CDKL2: variants seen among roughly 807,000 people sequenced by gnomAD.
CDKL2 encodes cyclin dependent kinase like 2, also known as cyclin-dependent kinase-like 2.
A neutral mutation model predicts 63.9 loss-of-function variants in CDKL2; 64 were observed. The ratio of observed to expected loss-of-function variants is 1.00; its 90% CI spans 0.82 to 1.23. The LOEUF (loss-of-function observed/expected upper bound fraction) is 1.23, where lower values mean the gene tolerates loss of function less well. CDKL2 is among the 50% of genes most tolerant of loss of function. The pLI is 0.00. For synonymous variants in CDKL2, 211 were observed against 229.2 expected, an observed-to-expected ratio of 0.92 and a Z score of 0.72; for missense variants, 656 against 668.0, an observed-to-expected ratio of 0.98 and a Z score of 0.20.
At chr4:75,585,402 C>T (rs2148859949) in intron 12 of CDKL2, among the ~76,000 whole-genome samples, 1 of 152,120 alleles carries the variant, frequency 6.6e-6, no homozygotes, top group South Asian at 2.1e-4. Context: ...CCAGCCACAA[C>T]ATCAGAGCAA....
intron 2 of CDKL2, among the ~76,000 whole-genome samples, chr4:75,616,368 TA>T (rs1440596014): frequency 1.3e-5 from 2 of 150,978 alleles, no homozygotes; most frequent in Non-Finnish European, 2.9e-5. Context: ...AAAAATAATA[TA>T]AGGAATTCAG....
chr4:75,596,383 T>A (rs374821927), intron 9 of CDKL2, 43 bp from the exon 10 acceptor site: 6 of 1,244,584 alleles, frequency 4.8e-6, no homozygotes, highest in Non-Finnish European at 7.1e-6. Flanking sequence ...GAACCAGCAA[T>A]AATTATTTTT....
At chr4:75,623,971 T>C (rs953605775) in intron 2 of CDKL2, among the ~76,000 whole-genome samples, 2 of 151,608 alleles carry the variant, frequency 1.3e-5, no homozygotes, top group Non-Finnish European at 2.9e-5. Context: ...CCATCCCTAC[T>C]AAAAATACAA....
intron 12 of CDKL2, 81 bp downstream of exon 12, chr4:75,591,738 G>A: frequency 2.2e-6 from 2 of 915,312 alleles, no homozygotes; most frequent in Non-Finnish European, 3.2e-6. Context: ...ATTCTTAAGA[G>A]CAAACTCTCC....
At chr4:75,581,268 T>C (rs977440447) in intron 13 of CDKL2, among the ~76,000 whole-genome samples, 1 of 152,228 alleles carries the variant, frequency 6.6e-6, no homozygotes, top group East Asian at 1.9e-4. Context: ...TATTTACTAT[T>C]GTGTTACAAT....
At chr4:75,614,733 C>CCT (rs1729851475) in intron 2 of CDKL2, among the ~76,000 whole-genome samples, 1 of 151,506 alleles carries the variant, frequency 6.6e-6, no homozygotes, top group African/African-American at 2.4e-5. Context: ...TCTATGACCC[C>CCT]CTACTCACAA....
At chr4:75,599,808 A>T (rs941130070) in intron 7 of CDKL2, among the ~76,000 whole-genome samples, 4 of 152,236 alleles carry the variant, frequency 2.6e-5, no homozygotes, top group African/African-American at 7.2e-5. Flanking sequence ...TGTTGCCAGC[A>T]GCTTGAGCAG....
intron 3 of CDKL2, among the ~76,000 whole-genome samples, chr4:75,614,036 G>A (rs780735258): frequency 6.6e-6 from 1 of 152,130 alleles, no homozygotes; most frequent in Non-Finnish European, 1.5e-5. Flanking sequence ...CAGCCTGGGC[G>A]AAAGAGCGAG....
At chr4:75,605,840 C>T (rs1255876123) in intron 4 of CDKL2, among the ~76,000 whole-genome samples, 1 of 151,472 alleles carries the variant, frequency 6.6e-6, no homozygotes, top group Non-Finnish European at 1.5e-5. Context: ...ATCTGCAACA[C>T]TTCTGGTCCC....
rs1728981706 is a variant in CDKL2 at position 75,597,171 on chromosome 4, A to G, written c.1086T>C (p.Asp362=). 1.9e-6 allele frequency: 3 copies of G among 1,613,378 alleles called. No homozygotes were observed. The highest frequency in any genetic ancestry group is 2.5e-6 in the Non-Finnish European group (3 of 1,179,458). ...TATTGCCTTTTTCAGCTTTTTCTCC[A>G]TCAATTTTTGAGCCTTTTATTTTAA... The part of the protein sequence containing the change: ...KLFKIKGSKI[D]GEKAEKGNRA... The change falls in exon 9 of 14, where the codon GAT becomes GAC. Residue 362 remains aspartate, a synonymous_variant. Transcript: ENST00000307465.
chr4:75,591,769 G>A (rs1187486019), intron 12 of CDKL2, 50 bp downstream of exon 12: 20 of 1,226,144 alleles, frequency 1.6e-5, no homozygotes, highest in Non-Finnish European at 2.3e-5. Context: ...TTACTAGTAA[G>A]TAAGAGAGAG....
At chr4:75,596,462 C>G in intron 9 of CDKL2, 122 bp from the exon 10 acceptor site, 1 of 641,136 alleles carries the variant, frequency 1.6e-6, no homozygotes, top group Non-Finnish European at 2.8e-6. Context: ...TGTCTATTCT[C>G]AAATATACAA....
At chr4:75,582,077 C>G (rs1395722057) in intron 12 of CDKL2, among the ~76,000 whole-genome samples, 179 bp from the exon 13 acceptor site, 1 of 152,078 alleles carries the variant, frequency 6.6e-6, no homozygotes, top group Non-Finnish European at 1.5e-5. Flanking sequence ...TTCTTTAGTC[C>G]CAAACATGAC....
Position 75,588,146 on chromosome 4 carries a change from G to A in CDKL2, c.1647+3673C>T, listed in dbSNP as rs186262245. On this transcript the variant is annotated intron_variant, in intron 12 of 13. Coordinates refer to ENST00000307465, the MANE Select transcript of CDKL2 (RefSeq NM_001330724.2). ...GGAGAATCACTTGAACCCAGGAGGC[G>A]GAGGTTGCCGTGAGCCGAGATCGCA... Among the ~76,000 whole-genome samples, 707 of 148,552 alleles carry A rather than the reference G, an allele frequency of 4.8e-3. 7 individuals carry two copies. Among genetic ancestry groups the A allele is most frequent in the African/African-American group, 0.016 (659 of 40,256 alleles).
intron 2 of CDKL2, among the ~76,000 whole-genome samples, chr4:75,624,572 C>T (rs932359118): frequency 6.6e-6 from 1 of 151,502 alleles, no homozygotes; most frequent in Non-Finnish European, 1.5e-5. Context: ...ATGAAACGAC[C>T]GGGTGTGGTG....
At chr4:75,608,386 A>G (rs1729525002) in intron 3 of CDKL2, among the ~76,000 whole-genome samples, 1 of 151,784 alleles carries the variant, frequency 6.6e-6, no homozygotes, top group South Asian at 2.1e-4. Flanking sequence ...CGGCCTCCCA[A>G]AGTGCTGGGA....
intron 12 of CDKL2, among the ~76,000 whole-genome samples, chr4:75,585,955 A>T (rs1728460554): frequency 6.6e-6 from 1 of 152,208 alleles, no homozygotes; most frequent in Non-Finnish European, 1.5e-5. Flanking sequence ...TAGAACAATT[A>T]ATCCAACAAC....
intron 12 of CDKL2, among the ~76,000 whole-genome samples, chr4:75,586,570 T>C (rs1438531124): frequency 6.6e-6 from 1 of 151,970 alleles, no homozygotes; most frequent in Non-Finnish European, 1.5e-5. Context: ...AGATATCTTT[T>C]TTAAAAAAAG....
rs1219188518 is a variant in CDKL2 at position 75,591,895 on chromosome 4, C to G, written c.1571G>C (p.Ser524Thr). The G allele has an allele frequency of 2.0e-6, 3 of 1,535,808 alleles. No individual in the cohort carries two copies. Among genetic ancestry groups the G allele is most frequent in the Non-Finnish European group, 2.6e-6 (3 of 1,146,802 alleles). The change falls in exon 12 of 14, where the codon AGC becomes ACC. Residue 524 changes from serine (S) to threonine (T), a missense_variant. Transcript: ENST00000307465. ...ARNSRLTKKE[S>T]KILSESRIPS... ...AATTCGAGATTCTGAAAGAATTTTG[C>G]TCTCTTTCTTTGTTAGCCTGGAATT...
Sources: gnomAD v4.1 joint callset for allele counts (sites outside exome capture counted in the v4.1 genomes callset) on GRCh38, gnomAD v4.1.1 for gene constraint, MANE v1.5 for transcripts, NCBI Gene and HGNC (gene_info 2026-07-23, HGNC 2026-07-21) for gene names.